The following MKLN1 variants were observed in gnomAD, a reference collection of about 807,000 sequenced individuals.
MKLN1 encodes the protein muskelin.
Under a neutral mutation model 99.0 loss-of-function variants are expected in MKLN1, and 18 were observed. The observed-to-expected ratio is 0.18, with a 90% CI of 0.13 to 0.27. MKLN1 has a LOEUF of 0.27. Among genes scored for constraint, MKLN1 ranks in the 10% least tolerant of loss-of-function variants. The pLI is 1.00. For missense variants in MKLN1, 621 were observed against 875.9 expected (o/e 0.71, Z 3.67); for synonymous variants, 288 against 293.2 (o/e 0.98, Z 0.18).
chr7:131,359,789 A>G (rs1185034920), intron 1 of MKLN1, among the ~76,000 whole-genome samples: 1 of 151,364 alleles, frequency 6.6e-6, no homozygotes, highest in African/African-American at 2.4e-5. Context: ...ACTGGAGTGC[A>G]GTGTTGTGAT....
At chr7:131,362,651 T>G (rs1800065254) in intron 1 of MKLN1, among the ~76,000 whole-genome samples, 2 of 152,110 alleles carry the variant, frequency 1.3e-5, no homozygotes, top group African/African-American at 4.8e-5. Flanking sequence ...AGACAGTTGC[T>G]GTCTTTTGTA....
chr7:131,212,441 T>C (rs1488189202), intron 3 of MKLN1, among the ~76,000 whole-genome samples: 1 of 152,244 alleles, frequency 6.6e-6, no homozygotes, highest in Non-Finnish European at 1.5e-5. Context: ...CTTCTCTAAC[T>C]TCCTTTGGAG....
At chr7:131,436,002 C>T (rs1046815217) in intron 9 of MKLN1, among the ~76,000 whole-genome samples, 1 of 152,072 alleles carries the variant, frequency 6.6e-6, no homozygotes, top group Admixed American at 6.5e-5. Flanking sequence ...AAGTTTTACA[C>T]TCTATGCATT....
intron 2 of MKLN1, among the ~76,000 whole-genome samples, chr7:131,193,094 C>T (rs1441515078): frequency 1.3e-5 from 2 of 152,088 alleles, no homozygotes; most frequent in African/African-American, 4.8e-5. Context: ...ATAACAGTTA[C>T]AAAATTTAAA....
At position 131,192,121 on chromosome 7, in the gene MKLN1, G is replaced by A. The variant is rs867661074; in HGVS notation, c.-296-10736G>A. Among the ~76,000 whole-genome samples, 126 of 72,342 alleles carry A rather than the reference G, an allele frequency of 1.7e-3. 9 individuals are homozygous for A. Among genetic ancestry groups the A allele is most frequent in the African/African-American group, 4.3e-3 (69 of 16,090 alleles). The allele number at this position is 72,342 out of a possible 152,430, so 47.5% of individuals were successfully genotyped here. A position where few individuals can be genotyped will look rare whatever the true frequency, so the allele number is the denominator to read the frequency against. On this transcript the variant is annotated intron_variant, in intron 2 of 7. Coordinates refer to the MKLN1 transcript ENST00000416992. ...ATGTATATATATATTATATATATAC[G>A]TATATATATAAAAATATATATACGT...
chr7:131,302,528 T>A (rs1465382577), intron 3 of MKLN1, among the ~76,000 whole-genome samples: 11 of 152,208 alleles, frequency 7.2e-5, no homozygotes. Flanking sequence ...TCAGTGTTAA[T>A]TGCTTTTCTG....
chr7:131,116,072 G>A (rs556095736), intron 1 of MKLN1, among the ~76,000 whole-genome samples: 77 of 152,254 alleles, frequency 5.1e-4, no homozygotes, highest in South Asian at 4.1e-4. Context: ...TTGGGATGCC[G>A]AGGCGGGCAG....
intron 9 of MKLN1, among the ~76,000 whole-genome samples, chr7:131,434,855 G>GCCTTTATT (rs1174587754): frequency 6.6e-6 from 1 of 152,174 alleles, no homozygotes; most frequent in Non-Finnish European, 1.5e-5. Context: ...ACCAGGCCCA[G>GCCTTTATT]CCTTTATTTT....
intron 1 of MKLN1, among the ~76,000 whole-genome samples, chr7:131,346,257 T>C (rs1462232826): frequency 6.6e-6 from 1 of 152,234 alleles, no homozygotes; most frequent in Non-Finnish European, 1.5e-5. Flanking sequence ...GTGTGGTGGC[T>C]CATGCCTGTA....
intron 2 of MKLN1, among the ~76,000 whole-genome samples, chr7:131,163,163 A>G (rs956907811): frequency 2.0e-5 from 3 of 152,264 alleles, no homozygotes; most frequent in African/African-American, 7.2e-5. Flanking sequence ...CATAGTCCAG[A>G]AATGTAACCC....
At chr7:131,280,669 GA>G (rs1798037849) in intron 3 of MKLN1, among the ~76,000 whole-genome samples, 1 of 150,156 alleles carries the variant, frequency 6.7e-6, no homozygotes, top group African/African-American at 2.5e-5. Context: ...TCTTTTTTGG[GA>G]AAGAGTCTCA....
intron 3 of MKLN1, among the ~76,000 whole-genome samples, chr7:131,287,997 G>A (rs112051585): frequency 0.054 from 8,166 of 152,094 alleles, 291 homozygotes; most frequent in Non-Finnish European, 0.076. Context: ...CATGTGGAAC[G>A]GTGAGTCAAT....
chr7:131,401,460 T>G (rs1794541750), intron 6 of MKLN1, among the ~76,000 whole-genome samples: 1 of 152,190 alleles, frequency 6.6e-6, no homozygotes, highest in East Asian at 1.9e-4. Flanking sequence ...CTTATCTTAT[T>G]TGCTATAGAA....
At chr7:131,334,876 A>G (rs950762043) in intron 1 of MKLN1, among the ~76,000 whole-genome samples, 1 of 152,242 alleles carries the variant, frequency 6.6e-6, no homozygotes, top group Non-Finnish European at 1.5e-5. Flanking sequence ...ACAGTTGAGA[A>G]TTTAGAGATC....
chr7:131,280,938 G>A (rs2116577787), intron 3 of MKLN1, among the ~76,000 whole-genome samples: 1 of 152,212 alleles, frequency 6.6e-6, no homozygotes, highest in Admixed American at 6.5e-5. Flanking sequence ...AAATATTCTG[G>A]ATATGAGTCC....
chr7:131,320,696 T>C (rs1487817867), intron 3 of MKLN1, among the ~76,000 whole-genome samples: 3 of 152,050 alleles, frequency 2.0e-5, no homozygotes, highest in Non-Finnish European at 2.9e-5. Flanking sequence ...AAAGGTCTAA[T>C]ATCCAGAATC....
At chr7:131,382,343 C>T (rs867090717) in intron 2 of MKLN1, among the ~76,000 whole-genome samples, 3 of 150,980 alleles carry the variant, frequency 2.0e-5, no homozygotes, top group East Asian at 1.9e-4. Flanking sequence ...CCAGCCAGGG[C>T]GACAGACAAG....
chr7:131,448,867 C>T (rs943905427), intron 12 of MKLN1, among the ~76,000 whole-genome samples: 3 of 152,028 alleles, frequency 2.0e-5, no homozygotes, highest in Admixed American at 6.5e-5. Context: ...TAAGTTTGTC[C>T]CTCTCCCTTC....
At chr7:131,396,587 AT>A (rs1437236423) in intron 4 of MKLN1, among the ~76,000 whole-genome samples, 2 of 152,172 alleles carry the variant, frequency 1.3e-5, no homozygotes, top group Non-Finnish European at 2.9e-5. Flanking sequence ...TTTTAAAAAA[AT>A]CTAAGGAAAT....
Sources: allele counts gnomAD v4.1 joint callset (sites outside exome capture counted in the v4.1 genomes callset), GRCh38; gene constraint gnomAD v4.1.1; transcripts MANE v1.5; gene names NCBI Gene and HGNC (gene_info 2026-07-23, HGNC 2026-07-21).